Variants in VIT observed in about 807,000 individuals in gnomAD.
VIT encodes the protein vitrin.
A neutral mutation model predicts 78.0 loss-of-function variants in VIT; 99 were observed. The observed-to-expected ratio is 1.27, with a 90% CI of 1.08 to 1.50. The LOEUF (loss-of-function observed/expected upper bound fraction) is 1.50. VIT is among the 40% of genes most tolerant of loss of function. The pLI is 0.00. For synonymous variants in VIT, 374 were observed against 334.3 expected, an observed-to-expected ratio of 1.12 and a Z score of -1.29; for missense variants, 1,126 against 875.3, an observed-to-expected ratio of 1.29 and a Z score of -3.61.
In VIT at chr2:36,814,706, A is replaced by G. The variant is rs1667441731; in HGVS notation, c.*345A>G. On this transcript the variant is annotated 3_prime_UTR_variant, in exon 16 of 16. Transcript: ENST00000379242. ...TGAGATTTTTAAGTTGTTATTTCTGATTAGAACTCTGTAACCCTCAGCAAG... is the reference window on the plus strand; with the variant it reads ...TGAGATTTTTAAGTTGTTATTTCTGGTTAGAACTCTGTAACCCTCAGCAAG... 1 of 192,838 alleles carries G rather than the reference A, an allele frequency of 5.2e-6. No individual in the cohort carries two copies. Among genetic ancestry groups the G allele is most frequent in the African/African-American group, 2.3e-5 (1 of 43,130 alleles). 11.9% of individuals were successfully genotyped at this position (192,838 alleles called of 1,614,324 possible). A position where few individuals can be genotyped will look rare whatever the true frequency, so the allele number is the denominator to read the frequency against.
intron 6 of VIT, among the ~76,000 whole-genome samples, chr2:36,766,823 C>A (rs762124459): frequency 5.3e-5 from 8 of 152,176 alleles, no homozygotes; most frequent in Non-Finnish European, 1.2e-4. Context: ...AGCAATTAAT[C>A]ATGTTCTGCC....
chr2:36,709,695 A>G (rs1033421154), intron 1 of VIT, among the ~76,000 whole-genome samples: 1 of 152,180 alleles, frequency 6.6e-6, no homozygotes, highest in Non-Finnish European at 1.5e-5. Flanking sequence ...AGCAGTCCAG[A>G]TAGAACAATA....
chr2:36,775,135 G>T (rs1173823028), intron 9 of VIT, 68 bp downstream of exon 9: 2 of 1,575,044 alleles, frequency 1.3e-6, no homozygotes, highest in African/African-American at 1.3e-5. Flanking sequence ...GCAAACATGA[G>T]GACCTCCCCA....
At chr2:36,759,724 A>C (rs1473447756) in intron 6 of VIT, 2 of 936,604 alleles carry the variant, frequency 2.1e-6, no homozygotes, top group Middle Eastern at 5.4e-4. Flanking sequence ...TAGCTAATAC[A>C]TTATGAGCCT....
At chr2:36,805,316 A>AC in intron 13 of VIT, 122 bp from the exon 14 acceptor site, 1 of 1,178,952 alleles carries the variant, frequency 8.5e-7, no homozygotes, top group Non-Finnish European at 1.1e-6. Flanking sequence ...AGGAAAAAAA[A>AC]AAAAAAAAAA....
At chr2:36,701,134 A>T (rs978217147) in intron 1 of VIT, among the ~76,000 whole-genome samples, 5 of 151,296 alleles carry the variant, frequency 3.3e-5, no homozygotes, top group Non-Finnish European at 7.4e-5. Context: ...CCTTGCAGGT[A>T]GAGACACCGT....
chr2:36,745,295 G>A (rs1210583591), intron 4 of VIT, among the ~76,000 whole-genome samples: 1 of 151,794 alleles, frequency 6.6e-6, no homozygotes, highest in African/African-American at 2.4e-5. Flanking sequence ...GGCTCTTCAG[G>A]CTCTTTTATT....
At chr2:36,704,074 C>A (rs981060467) in intron 1 of VIT, among the ~76,000 whole-genome samples, 5 of 151,800 alleles carry the variant, frequency 3.3e-5, no homozygotes, top group African/African-American at 1.2e-4. Context: ...TACAGGTGCA[C>A]GCCACCATGC....
At chr2:36,717,446 C>G (rs1666237041) in intron 2 of VIT, among the ~76,000 whole-genome samples, 1 of 142,618 alleles carries the variant, frequency 7.0e-6, no homozygotes, top group Admixed American at 7.4e-5. Context: ...CCGTGTTAGC[C>G]AGGATGGTCT....
chr2:36,809,408 A>T (rs1256952580), intron 15 of VIT, among the ~76,000 whole-genome samples: 1 of 151,716 alleles, frequency 6.6e-6, no homozygotes, highest in African/African-American at 2.4e-5. Flanking sequence ...TTGTGTTAGT[A>T]ACTTTTATTT....
chr2:36,772,291 C>G (rs1278116879), intron 7 of VIT, among the ~76,000 whole-genome samples: 1 of 152,188 alleles, frequency 6.6e-6, no homozygotes, highest in East Asian at 1.9e-4. Context: ...AATCCCAACA[C>G]TTCGGGAGGC....
At chr2:36,756,157 C>T (rs932739862) in intron 5 of VIT, among the ~76,000 whole-genome samples, 3 of 151,950 alleles carry the variant, frequency 2.0e-5, no homozygotes, top group African/African-American at 7.3e-5. Context: ...GGGGTTTCTC[C>T]GTGTTTGTCA....
intron 1 of VIT, among the ~76,000 whole-genome samples, chr2:36,701,902 A>G (rs4670160): frequency 0.83 from 126,545 of 152,104 alleles, 53,360 homozygotes; most frequent in Middle Eastern, 0.95. Flanking sequence ...GGCCACCTCC[A>G]TGTGCTATTC....
chr2:36,743,030 C>G, intron 3 of VIT, 70 bp from the exon 4 acceptor site: 1 of 1,586,494 alleles, frequency 6.3e-7, no homozygotes, highest in South Asian at 1.2e-5. Flanking sequence ...ATAGTTGAGA[C>G]CTAACAGTGT....
In VIT at chr2:36,796,644, TG is replaced by T. The variant is rs1467667403; in HGVS notation, c.1059-4656del. On this transcript the variant is annotated intron_variant, in intron 12 of 15. Coordinates refer to ENST00000379242, the MANE Select transcript of VIT (RefSeq NM_053276.4). ...GTAAAAACTTTTTTTTTTAGTTTTT[TG>T]TTGTTGTTGTTTGTTTGTGTTTGTT... is the stretch of plus-strand genomic sequence containing the variant. 5.3e-5 allele frequency among the ~76,000 whole-genome samples: 8 copies of T among 152,094 alleles called. No individual in the cohort carries two copies. In the East Asian group the frequency reaches 7.7e-4, roughly 15 times the overall value.
At chr2:36,754,744 C>T (rs1247092891) in intron 4 of VIT, among the ~76,000 whole-genome samples, 177 bp from the exon 5 acceptor site, 1 of 152,154 alleles carries the variant, frequency 6.6e-6, no homozygotes, top group Non-Finnish European at 1.5e-5. Context: ...AGCTCAGATG[C>T]TGGGTCTGCT....
At chr2:36,805,045 G>A (rs1666606394) in intron 13 of VIT, among the ~76,000 whole-genome samples, 2 of 152,150 alleles carry the variant, frequency 1.3e-5, no homozygotes, top group South Asian at 4.1e-4. Flanking sequence ...GCTCATGCCT[G>A]TAATCTCAGC....
rs115047437 is a variant in VIT, at chr2:36,736,457, C to T, written c.119-6643C>T. On this transcript the variant is annotated intron_variant, in intron 3 of 15. Transcript: ENST00000379242. ...AACAATTCCTGCCTGGCAAAGTGTC[C>T]GTGCTAGAGGGAGAAAAGCTTTTAA... Among the ~76,000 whole-genome samples the T allele has an allele frequency of 5.2e-3, 786 of 152,186 alleles. 3 individuals carry two copies. Among genetic ancestry groups the T allele is most frequent in the African/African-American group, 0.017 (695 of 41,528 alleles).
intron 7 of VIT, among the ~76,000 whole-genome samples, chr2:36,771,595 C>T (rs1669764824): frequency 6.8e-6 from 1 of 147,664 alleles, no homozygotes; most frequent in Non-Finnish European, 1.5e-5. Context: ...CAAGTAAGTA[C>T]AAATTAAACA....
Sources: allele counts gnomAD v4.1 joint callset (sites outside exome capture counted in the v4.1 genomes callset), GRCh38; gene constraint gnomAD v4.1.1; transcripts MANE v1.5; gene names NCBI Gene and HGNC (gene_info 2026-07-23, HGNC 2026-07-21).